UNC5B: variants seen among roughly 807,000 people sequenced by gnomAD.
UNC5B encodes netrin receptor UNC5B.
A neutral mutation model predicts 103.7 loss-of-function variants in UNC5B; 56 were observed. That is an observed-to-expected ratio of 0.54 (90% CI 0.44 to 0.67). The LOEUF is 0.67. Among genes scored for constraint, UNC5B ranks in the 30% least tolerant of loss-of-function variants. The pLI is 0.00. For missense variants in UNC5B, 1,194 were observed against 1,284.5 expected (o/e 0.93, Z 1.08); for synonymous variants, 577 against 542.0 (o/e 1.06, Z -0.90).
chr10:71,272,527 C>G (rs571060111), intron 1 of UNC5B, among the ~76,000 whole-genome samples: 1 of 152,194 alleles, frequency 6.6e-6, no homozygotes, highest in African/African-American at 2.4e-5. Flanking sequence ...ATTTCCATCC[C>G]AGGCATGGGA....
intron 2 of UNC5B, 34 bp downstream of exon 2, chr10:71,280,079 A>ACACCCCAGGC: frequency 6.2e-7 from 1 of 1,606,734 alleles, no homozygotes; most frequent in Non-Finnish European, 8.5e-7. Flanking sequence ...GCACCCCAGG[A>ACACCCCAGGC]CACCCCAGGC....
chr10:71,294,077 C>T, intron 13 of UNC5B, 144 bp downstream of exon 13: 2 of 739,662 alleles, frequency 2.7e-6, no homozygotes, highest in South Asian at 3.7e-5. Context: ...GACCCTCACA[C>T]ACTGAAACAG....
intron 1 of UNC5B, among the ~76,000 whole-genome samples, chr10:71,219,104 C>A (rs144994240): frequency 6.6e-6 from 1 of 152,074 alleles, no homozygotes; most frequent in South Asian, 2.1e-4. Context: ...CACAGTCCCT[C>A]GCCCCACCCT....
At chr10:71,245,187 A>G (rs1844000188) in intron 1 of UNC5B, among the ~76,000 whole-genome samples, 1 of 152,100 alleles carries the variant, frequency 6.6e-6, no homozygotes, top group Admixed American at 6.5e-5. Context: ...TGCTCTCTCC[A>G]TAACACCATC....
At chr10:71,224,323 G>A (rs964381813) in intron 1 of UNC5B, among the ~76,000 whole-genome samples, 6 of 139,348 alleles carry the variant, frequency 4.3e-5, no homozygotes, top group Non-Finnish European at 4.5e-5. Context: ...ATTTGATCCA[G>A]CCCCACATTT....
chr10:71,295,005 G>A (rs1304250884), intron 13 of UNC5B, among the ~76,000 whole-genome samples: 1 of 152,130 alleles, frequency 6.6e-6, no homozygotes, highest in Non-Finnish European at 1.5e-5. Flanking sequence ...GCGCCTCATG[G>A]TCCTTTCCCA....
At chr10:71,294,941 A>T (rs1361193849) in intron 13 of UNC5B, among the ~76,000 whole-genome samples, 1 of 152,072 alleles carries the variant, frequency 6.6e-6, no homozygotes, top group East Asian at 1.9e-4. Context: ...AAGCATACAG[A>T]CACTTGGCCG....
intron 9 of UNC5B, 72 bp downstream of exon 9, chr10:71,291,181 C>A: frequency 6.6e-7 from 1 of 1,517,112 alleles, no homozygotes; most frequent in South Asian, 1.3e-5. Flanking sequence ...GTACCCAGAC[C>A]AGAGCCAGGC....
At position 71,264,684 on chromosome 10, in the gene UNC5B, C is replaced by T. The variant is rs73276396; in HGVS notation, c.80-15137C>T. 1.8e-3 allele frequency among the ~76,000 whole-genome samples: 279 copies of T among 152,276 alleles called. 1 individual carries two copies. Among genetic ancestry groups the T allele is most frequent in the African/African-American group, 6.5e-3 (270 of 41,558 alleles). On this transcript the variant is annotated intron_variant, in intron 1 of 16. Transcript: ENST00000335350. The stretch of plus-strand genomic sequence containing the variant: ...GAGCATAGAGCCGTGTGTGGACTGG[C>T]GGCAGCACCTAGACATTTCTTAGAA...
At position 71,216,193 on chromosome 10, in the gene UNC5B, C is replaced by A. The variant is rs117794327; in HGVS notation, c.79+3129C>A. On this transcript the variant is annotated intron_variant, in intron 1 of 16. Transcript: ENST00000335350. The stretch of plus-strand genomic sequence containing the variant: ...TGAACTGAGGCCTCACAACCTCAAT[C>A]TAGTGCTTCTAGCTCCTTCATTCCA... 7.8e-3 allele frequency among the ~76,000 whole-genome samples: 1,192 copies of A among 152,326 alleles called. 35 individuals are homozygous for A. In the East Asian group the frequency reaches 0.091, roughly 12 times the overall value.
rs766127626 is a variant in UNC5B, at chr10:71,279,860, C to T, written c.119C>T (p.Pro40Leu). The change falls in exon 2 of 17, where the codon CCG becomes CTG. Residue 40 changes from proline to leucine, a missense_variant. Transcript: ENST00000335350. ...AGCGAGGTGCTCCCTGACTCCTTCC[C>T]GTCAGCGCCAGCAGAGCCGCTGCCC... is the stretch of plus-strand genomic sequence containing the variant. ...SGSEVLPDSF[P>L]SAPAEPLPYF... 9.3e-6 allele frequency: 15 copies of T among 1,613,758 alleles called. No individual in the cohort carries two copies. The highest frequency in any genetic ancestry group is 4.5e-5 in the East Asian group (2 of 44,878).
intron 1 of UNC5B, among the ~76,000 whole-genome samples, chr10:71,273,514 G>A (rs538307920): frequency 2.6e-5 from 4 of 152,336 alleles, no homozygotes; most frequent in Admixed American, 2.0e-4. Context: ...CCTCTGAGAG[G>A]TACAGTGTCT....
intron 1 of UNC5B, among the ~76,000 whole-genome samples, chr10:71,244,726 G>A (rs1472348277): frequency 1.3e-5 from 2 of 152,222 alleles, no homozygotes; most frequent in African/African-American, 4.8e-5. Context: ...CCGAGAACCC[G>A]CGATCTGCAG....
At chr10:71,257,110 C>G (rs1039546143) in intron 1 of UNC5B, among the ~76,000 whole-genome samples, 3 of 152,166 alleles carry the variant, frequency 2.0e-5, no homozygotes, top group African/African-American at 4.8e-5. Context: ...TAAGGGGGAC[C>G]TGGAAACCCA....
intron 1 of UNC5B, among the ~76,000 whole-genome samples, chr10:71,229,711 CCTT>C (rs1589152683): frequency 6.6e-6 from 1 of 152,168 alleles, no homozygotes; most frequent in Non-Finnish European, 1.5e-5. Flanking sequence ...TTCCAAGGCT[CCTT>C]CTAGGGAGTT....
At chr10:71,219,042 C>T (rs1353524281) in intron 1 of UNC5B, among the ~76,000 whole-genome samples, 1 of 152,210 alleles carries the variant, frequency 6.6e-6, no homozygotes, top group Non-Finnish European at 1.5e-5. Context: ...TCCATCACTT[C>T]AACTCTAGGA....
intron 8 of UNC5B, 116 bp from the exon 9 acceptor site, chr10:71,290,799 A>G: frequency 7.8e-7 from 1 of 1,287,950 alleles, no homozygotes; most frequent in Non-Finnish European, 1.1e-6. Flanking sequence ...TCAGACTGGA[A>G]CTCAGCACCG....
At chr10:71,262,405 G>T (rs1844434263) in intron 1 of UNC5B, among the ~76,000 whole-genome samples, 1 of 151,846 alleles carries the variant, frequency 6.6e-6, no homozygotes, top group African/African-American at 2.4e-5. Flanking sequence ...CAGGATTGTG[G>T]GGGGGCTGTC....
chr10:71,226,590 A>G (rs547984316), intron 1 of UNC5B, among the ~76,000 whole-genome samples: 1 of 152,350 alleles, frequency 6.6e-6, no homozygotes, highest in African/African-American at 2.4e-5. Context: ...TAAGGATGGA[A>G]TCAGATAATA....
Sources: allele counts gnomAD v4.1 joint callset (sites outside exome capture counted in the v4.1 genomes callset), GRCh38; gene constraint gnomAD v4.1.1; transcripts MANE v1.5; gene names NCBI Gene and HGNC (gene_info 2026-07-23, HGNC 2026-07-21).